The following NUP58 variants were observed in gnomAD, a reference collection of about 807,000 sequenced individuals.
NUP58 encodes the protein nucleoporin p58/p45.
In NUP58, 17 loss-of-function variants were observed where a neutral mutation model predicts 70.1. The observed-to-expected ratio is 0.24, with a 90% confidence interval of 0.17 to 0.36. The LOEUF is 0.36. NUP58 is among the 10% of genes least tolerant of loss of function. NUP58 has a pLI of 1.00. For missense variants in NUP58, 644 were observed against 701.5 expected (o/e 0.92, Z 0.93); for synonymous variants, 275 against 257.6 (o/e 1.07, Z -0.65).
intron 13 of NUP58, chr13:25,334,992 A>T: frequency 1.0e-6 from 1 of 985,260 alleles, no homozygotes; most frequent in Non-Finnish European, 1.2e-6. Flanking sequence ...TGCCTGAAGG[A>T]TTTAGACTGC....
chr13:25,336,098 G>A (rs2031771432), intron 13 of NUP58: 6 of 1,265,104 alleles, frequency 4.7e-6, no homozygotes, highest in South Asian at 1.4e-5. Flanking sequence ...TTCTGCTTCT[G>A]AGTACATTTT....
At chr13:25,332,854 A>C (rs116374926) in intron 13 of NUP58, 4 of 985,304 alleles carry the variant, frequency 4.1e-6, no homozygotes, top group Non-Finnish European at 4.8e-6. Flanking sequence ...ATTTCTTCTT[A>C]AAAGGATTCA....
chr13:25,328,083 C>T (rs2031468196), intron 12 of NUP58, among the ~76,000 whole-genome samples: 1 of 151,854 alleles, frequency 6.6e-6, no homozygotes. Flanking sequence ...CTTGTAGTCC[C>T]AGCTACCTGG....
At chr13:25,325,140 ACT>A in intron 10 of NUP58, 72 bp downstream of exon 10, 1 of 1,079,832 alleles carries the variant, frequency 9.3e-7, no homozygotes, top group Non-Finnish European at 1.4e-6. Flanking sequence ...TAGTATACAA[ACT>A]AAATATTTTT....
Position 25,307,791 on chromosome 13 carries a change from G to A in NUP58, c.108-15G>A. 1 of 1,611,886 alleles carries A rather than the reference G, an allele frequency of 6.2e-7. No homozygotes were observed. On this transcript the variant is annotated splice_polypyrimidine_tract_variant and intron_variant, in intron 1 of 15. Transcript: ENST00000381736. ...TGCATGTGATTTTTGTTTTGTTTTT[G>A]TTTCTTTAAATAAGCAACCCTTCTG...
At chr13:25,310,691 A>T (rs992749943) in intron 3 of NUP58, among the ~76,000 whole-genome samples, 1 of 151,962 alleles carries the variant, frequency 6.6e-6, no homozygotes, top group Non-Finnish European at 1.5e-5. Context: ...GTAACCCCAT[A>T]CGTGATTTCA....
intron 6 of NUP58, 46 bp downstream of exon 6, chr13:25,315,513 G>A (rs1186566570): frequency 7.4e-7 from 1 of 1,345,624 alleles, no homozygotes; most frequent in Admixed American, 1.8e-5. Flanking sequence ...TTCTGTTGAG[G>A]GAATGTCTAG....
intron 13 of NUP58, 43 bp downstream of exon 13, chr13:25,331,601 A>G (rs769832019): frequency 1.1e-5 from 18 of 1,588,194 alleles, no homozygotes; most frequent in Non-Finnish European, 1.5e-5. Flanking sequence ...GTTCCAATGC[A>G]GAACATTTAT....
chr13:25,315,952 T>C (rs192308408), intron 6 of NUP58, among the ~76,000 whole-genome samples: 104 of 152,342 alleles, frequency 6.8e-4, no homozygotes, highest in African/African-American at 2.4e-3. Context: ...TTATGTGCTT[T>C]GGTTTTTCCT....
chr13:25,316,447 C>CT (rs67067603), intron 6 of NUP58, among the ~76,000 whole-genome samples: 93 of 151,936 alleles, frequency 6.1e-4, no homozygotes, highest in African/African-American at 2.2e-3. Flanking sequence ...ATCTATATGA[C>CT]TTTTTTTTTA....
chr13:25,328,046 A>G (rs1180055346), intron 12 of NUP58, among the ~76,000 whole-genome samples: 2 of 151,974 alleles, frequency 1.3e-5, no homozygotes, highest in East Asian at 1.9e-4. Flanking sequence ...TAAAATTACA[A>G]AAATTAGCCG....
At chr13:25,336,602 A>G (rs1352099896) in intron 13 of NUP58, among the ~76,000 whole-genome samples, 1 of 152,194 alleles carries the variant, frequency 6.6e-6, no homozygotes, top group Non-Finnish European at 1.5e-5. Flanking sequence ...CTAGAAGTAA[A>G]TCTAAAGGAA....
chr13:25,309,224 T>C (rs918957666), intron 2 of NUP58, 23 bp from the exon 3 acceptor site: 42 of 1,576,854 alleles, frequency 2.7e-5, no homozygotes, highest in Non-Finnish European at 3.7e-5. Flanking sequence ...ATGATTAAAT[T>C]TTATTTCTCT....
chr13:25,335,769 T>TTG, intron 13 of NUP58: 2 of 983,588 alleles, frequency 2.0e-6, no homozygotes, highest in Non-Finnish European at 2.4e-6. Flanking sequence ...TCATTCTTCA[T>TTG]TGGATAACTT....
chr13:25,340,033 A>G lies in NUP58; in HGVS notation c.1699A>G (p.Thr567Ala). ...NPGITASAGL[T>A]FGVSNPASAG... The stretch of plus-strand genomic sequence containing the variant: ...TGGCATCACGGCATCAGCTGGTTTG[A>G]CTTTTGGGGTGTCCAATCCTGCCTC... The change falls in exon 16 of 16, where the codon ACT becomes GCT. Residue 567 changes from threonine to alanine, a missense_variant. By Grantham distance (58) the Thr-to-Ala change is moderately conservative (BLOSUM62 0). This residue lies in a region of NUP58 where 132 missense variants were observed against 203.9 expected (regional missense o/e 0.65). Transcript: ENST00000381736. 1 of 1,613,662 alleles carries G rather than the reference A, an allele frequency of 6.2e-7. No individual in the cohort carries two copies. Among genetic ancestry groups the G allele is most frequent in the Non-Finnish European group, 8.5e-7 (1 of 1,179,846 alleles).
Position 25,321,091 on chromosome 13 carries a change from C to A in NUP58, c.949C>A (p.Gln317Lys). Residue 317 changes from glutamine (Q) to lysine (K), a missense_variant and splice_region_variant, in exon 9 of 16, where the codon CAG becomes AAG. Physicochemically the swap from Gln to Lys is moderately conservative, Grantham distance 53. Around this residue, in one of 4 missense-constraint regions of NUP58, gnomAD observed 430 missense variants for 409.2 expected, o/e 1.05. Transcript: ENST00000381736. ...TGACAAATTGAAAATAGAAACTGCT[C>A]AGGTATACCAACTTATGGCCATTTT... ...NIDKLKIETA[Q>K]ELKNAEIALR... 1 of 1,576,540 alleles carries A rather than the reference C, an allele frequency of 6.3e-7. No homozygotes were observed. Among genetic ancestry groups the A allele is most frequent in the African/African-American group, 1.4e-5 (1 of 72,204 alleles).
intron 6 of NUP58, chr13:25,317,574 TATA>T (rs1162765419): frequency 3.9e-5 from 6 of 152,264 alleles, no homozygotes; most frequent in Middle Eastern, 3.4e-3. Flanking sequence ...ATTTACAAAA[TATA>T]ATAAAATGTC....
intron 13 of NUP58, among the ~76,000 whole-genome samples, chr13:25,336,526 A>T (rs1390253163): frequency 6.6e-6 from 1 of 152,152 alleles, no homozygotes; most frequent in Non-Finnish European, 1.5e-5. Context: ...TAAAAAAAGT[A>T]AAAACCATTT....
intron 13 of NUP58, 132 bp downstream of exon 13, chr13:25,331,690 T>A (rs1457259647): frequency 6.8e-7 from 1 of 1,464,312 alleles, no homozygotes; most frequent in African/African-American, 1.4e-5. Flanking sequence ...AATCTAAAAT[T>A]GTGATGGACA....
Sources: allele counts gnomAD v4.1 joint callset (sites outside exome capture counted in the v4.1 genomes callset), GRCh38; gene constraint gnomAD v4.1.1; regional missense constraint gnomAD v4.1.1; transcripts MANE v1.5; gene names NCBI Gene and HGNC (gene_info 2026-07-23, HGNC 2026-07-21).